The following RNF183 variants were observed in gnomAD, a reference collection of about 807,000 sequenced individuals.
RNF183 encodes ring finger protein 183.
Under a neutral mutation model 9.0 loss-of-function variants are expected in RNF183, and 4 were observed. The observed-to-expected ratio is 0.44, with a 90% CI of 0.22 to 1.01. The LOEUF (loss-of-function observed/expected upper bound fraction) is 1.01, where lower values mean the gene tolerates loss of function less well. Ranked by LOEUF, RNF183 falls within the 50% of genes least tolerant of loss-of-function variation. The pLI, the probability that RNF183 is intolerant of heterozygous loss-of-function variation, is 0.25. For synonymous variants in RNF183, 102 were observed against 107.5 expected (o/e 0.95, Z 0.32); for missense variants, 227 against 253.6 (o/e 0.89, Z 0.71).
intron 4 of RNF183, chr9:113,299,338 T>A (rs1832844115): frequency 6.6e-6 from 1 of 152,218 alleles, no homozygotes; most frequent in South Asian, 2.1e-4. Context: ...CAATTTCGTC[T>A]TTGTAGATGT....
chr9:113,302,376 A>G (rs1471320682), intron 1 of RNF183, 63 bp from the exon 2 acceptor site: 1 of 152,184 alleles, frequency 6.6e-6, no homozygotes, highest in African/African-American at 2.4e-5. Context: ...AGCTACAGTA[A>G]ATCCTAAACA....
chr9:113,298,049 G>A lies in RNF183; in HGVS notation c.136C>T (p.Leu46Phe). The A allele has an allele frequency of 6.2e-7, 1 of 1,614,072 alleles. No individual in the cohort carries two copies. Among genetic ancestry groups the A allele is most frequent in the Non-Finnish European group, 8.5e-7 (1 of 1,180,024 alleles). ...FCVECLAHLS[L>F]VTPARRRLLC... The stretch of plus-strand genomic sequence containing the variant: ...AGGCGGCGCCGGGCTGGAGTCACAA[G>A]GCTGAGGTGGGCCAGACATTCCACG... Residue 46 changes from leucine (L) to phenylalanine (F), a missense_variant, in exon 5 of 5, where the codon CTT becomes TTT. Coordinates refer to ENST00000489339, the MANE Select transcript of RNF183 (RefSeq NM_001371237.1). The surrounding 1 kb of genome is among the most constrained non-coding windows in gnomAD (Gnocchi z 4.9).
Position 113,298,268 on chromosome 9 carries a change from C to G in RNF183, c.-37-47G>C, listed in dbSNP as rs1215148617. On this transcript the variant is annotated intron_variant, in intron 4 of 4. Coordinates refer to ENST00000489339, the MANE Select transcript of RNF183 (RefSeq NM_001371237.1). This position sits in a 1 kb window ranked among gnomAD's most constrained non-coding sequence, Gnocchi z 4.9. ...CAAAGGAACAGCCATGAAGTCCCAT[C>G]CTTGTGCTTGGCCTGGGGCAAAGTG... The G allele has an allele frequency of 1.7e-5, 21 of 1,215,188 alleles. No individual in the cohort carries two copies. The highest frequency in any genetic ancestry group is 2.5e-5 in the Non-Finnish European group (21 of 846,760). 75.3% of individuals were successfully genotyped at this position (1,215,188 alleles called of 1,614,324 possible).
At position 113,302,308 on chromosome 9, in the gene RNF183, G is replaced by C. The variant is rs1302002020; in HGVS notation, c.-435C>G. On this transcript the variant is annotated 5_prime_UTR_variant, in exon 2 of 5. The change creates a new upstream start codon in the 5' untranslated region. Coordinates refer to ENST00000489339, the MANE Select transcript of RNF183 (RefSeq NM_001371237.1). ...TCCCAGGGATCCACTGCTGTTTCAG[G>C]ATCAGCTGGGGAGAGATTCTGGCCA... The C allele has an allele frequency of 6.6e-6, 1 of 152,090 alleles. No homozygotes were observed. The highest frequency in any genetic ancestry group is 1.5e-5 in the Non-Finnish European group (1 of 68,028). 9.4% of individuals were successfully genotyped at this position (152,090 alleles called of 1,614,324 possible).
At chr9:113,300,116 C>T (rs1392187057) in intron 3 of RNF183, among the ~76,000 whole-genome samples, 1 of 152,152 alleles carries the variant, frequency 6.6e-6, no homozygotes, top group African/African-American at 2.4e-5. Flanking sequence ...CCGACTGAGC[C>T]GATGTCTGAA....
chr9:113,302,745 C>T (rs7860315), intron 1 of RNF183, among the ~76,000 whole-genome samples: 23,080 of 152,168 alleles, frequency 0.15, 1,881 homozygotes, highest in African/African-American at 0.2. Flanking sequence ...AAAGGCTAAT[C>T]ATCCCACTCC....
In RNF183 at chr9:113,297,591, G is replaced by T. The variant is rs1832761143; in HGVS notation, c.*15C>A. 1.3e-6 allele frequency: 2 copies of T among 1,544,432 alleles called. No individual in the cohort carries two copies. The highest frequency in any genetic ancestry group is 1.8e-6 in the Non-Finnish European group (2 of 1,141,702). On this transcript the variant is annotated 3_prime_UTR_variant, in exon 5 of 5. Transcript: ENST00000489339. Reference sequence around the variant, plus strand: ...GCAACCGAAAAAGGTTTGGTTTCTTGTCTGGGAACAGCACTCACCCCACAC... The same window carrying T: ...GCAACCGAAAAAGGTTTGGTTTCTTTTCTGGGAACAGCACTCACCCCACAC...
rs1832972908 is a variant in RNF183 at position 113,303,119 on chromosome 9, TTC to T, written c.-506_-505del. The T allele has an allele frequency of 6.5e-6, 1 of 152,730 alleles. No homozygotes were observed. Among genetic ancestry groups the T allele is most frequent in the Non-Finnish European group, 1.5e-5 (1 of 68,402 alleles). 9.5% of individuals were successfully genotyped at this position (152,730 alleles called of 1,614,324 possible). ...CAGCCCTGCACGCATGTGCTTTGTTTTCTGACTTCCCAGGCCCGATTTCCAGG... is the reference window on the plus strand; with the variant it reads ...CAGCCCTGCACGCATGTGCTTTGTTTTGACTTCCCAGGCCCGATTTCCAGG... On this transcript the variant is annotated 5_prime_UTR_variant, in exon 1 of 5. The change abolishes the stop of an existing upstream ORF in the 5' untranslated region. Transcript: ENST00000489339.
In RNF183 at chr9:113,303,358, A is replaced by C. The variant is rs933082969; in HGVS notation, c.-743T>G. ...CAGGCCTCTGTTCTGGGTCCGATTG[A>C]TCTCCTGCCATCCCCTCGGATTCCA... On this transcript the variant is annotated 5_prime_UTR_variant, in exon 1 of 5. Transcript: ENST00000489339. 1 of 152,360 alleles carries C rather than the reference A, an allele frequency of 6.6e-6. No individual in the cohort carries two copies. The highest frequency in any genetic ancestry group is 1.5e-5 in the Non-Finnish European group (1 of 68,136). The allele number at this position is 152,360 out of a possible 1,614,324, so 9.4% of individuals were successfully genotyped here. A position where few individuals can be genotyped will look rare whatever the true frequency, so the allele number is the denominator to read the frequency against.
At chr9:113,302,737 A>G (rs1049022970) in intron 1 of RNF183, among the ~76,000 whole-genome samples, 7 of 152,236 alleles carry the variant, frequency 4.6e-5, no homozygotes, top group Non-Finnish European at 5.9e-5. Flanking sequence ...TCTGTAAAAA[A>G]GGCTAATCAT....
intron 1 of RNF183, among the ~76,000 whole-genome samples, chr9:113,302,846 A>G (rs1011509692): frequency 6.6e-6 from 1 of 152,130 alleles, no homozygotes; most frequent in Non-Finnish European, 1.5e-5. Context: ...TTATTTTTAG[A>G]CCCATTTTCT....
At chr9:113,302,810 A>C (rs1832956480) in intron 1 of RNF183, among the ~76,000 whole-genome samples, 1 of 152,244 alleles carries the variant, frequency 6.6e-6, no homozygotes, top group Admixed American at 6.5e-5. Flanking sequence ...AGAATACGGA[A>C]GGCGCTCAAT....
At chr9:113,299,823 C>T (rs1832859723) in intron 3 of RNF183, 48 bp from the exon 4 acceptor site, 1 of 152,240 alleles carries the variant, frequency 6.6e-6, no homozygotes, top group African/African-American at 2.4e-5. Context: ...CTGAACTACT[C>T]ACTTTGCAGA....
rs1385008671 is a variant in RNF183, at chr9:113,297,553, A to C, written c.*53T>G. ...CAATACCAAATGAGGCTCCGTAGTCACCATACCCAGCAGCAACCGAAAAAG... is the reference window on the plus strand; with the variant it reads ...CAATACCAAATGAGGCTCCGTAGTCCCCATACCCAGCAGCAACCGAAAAAG... On this transcript the variant is annotated 3_prime_UTR_variant, in exon 5 of 5. Transcript: ENST00000489339. The C allele has an allele frequency of 3.2e-6, 4 of 1,251,062 alleles. No homozygotes were observed. Among genetic ancestry groups the C allele is most frequent in the Non-Finnish European group, 4.5e-6 (4 of 887,500 alleles). 77.5% of individuals were successfully genotyped at this position (1,251,062 alleles called of 1,614,324 possible).
chr9:113,300,291 C>T (rs1213613926), intron 3 of RNF183, among the ~76,000 whole-genome samples: 1 of 152,228 alleles, frequency 6.6e-6, no homozygotes, highest in Non-Finnish European at 1.5e-5. Flanking sequence ...CTTTATTCTG[C>T]AGTCCATTCA....
chr9:113,303,312 G>A lies in RNF183; in HGVS notation c.-697C>T, dbSNP rs1228017666. The A allele has an allele frequency of 1.3e-5, 2 of 152,832 alleles. No homozygotes were observed. Among genetic ancestry groups the A allele is most frequent in the Non-Finnish European group, 2.9e-5 (2 of 68,506 alleles). The allele number at this position is 152,832 out of a possible 1,614,324, so 9.5% of individuals were successfully genotyped here. ...GTCACTCTGGCTTTTTCTCTGAGGG[G>A]ATCAAGTGCGCTCATCCTTGCAGGC... On this transcript the variant is annotated 5_prime_UTR_variant, in exon 1 of 5. Transcript: ENST00000489339.
Position 113,298,193 on chromosome 9 carries a change from A to G in RNF183, c.-9T>C, listed in dbSNP as rs765899456. 6 of 1,605,762 alleles carry G rather than the reference A, an allele frequency of 3.7e-6. No homozygotes were observed. The East Asian group carries it at 1.3e-4, about 36-fold the overall frequency. On this transcript the variant is annotated 5_prime_UTR_variant, in exon 5 of 5. Coordinates refer to ENST00000489339, the MANE Select transcript of RNF183 (RefSeq NM_001371237.1). The surrounding 1 kb of genome is among the most constrained non-coding windows in gnomAD (Gnocchi z 4.9). ...CCCTGCTGCTCAGCCATCCTCAGCC[A>G]CACACGGGGAGGCTTCGCGGGAGAC...
At position 113,299,679 on chromosome 9, in the gene RNF183, G is replaced by A. The variant is rs1236114537; in HGVS notation, c.-145C>T. 1 of 152,232 alleles carries A rather than the reference G, an allele frequency of 6.6e-6. No homozygotes were observed. The highest frequency in any genetic ancestry group is 1.5e-5 in the Non-Finnish European group (1 of 68,060). The allele number at this position is 152,232 out of a possible 1,614,324, so 9.4% of individuals were successfully genotyped here. ...GAGTTAAAGCGGGGAGTTGGAGGGA[G>A]GCGCACTCCAGCCCAGCTTCTCCGT... On this transcript the variant is annotated 5_prime_UTR_variant, in exon 4 of 5. Coordinates refer to ENST00000489339, the MANE Select transcript of RNF183 (RefSeq NM_001371237.1).
chr9:113,298,347 T>C lies in RNF183; in HGVS notation c.-37-126A>G, dbSNP rs917121233. 9.5e-6 allele frequency: 6 copies of C among 629,984 alleles called. No homozygotes were observed. Among genetic ancestry groups the C allele is most frequent in the Non-Finnish European group, 1.7e-5 (6 of 359,566 alleles). 39.0% of individuals were successfully genotyped at this position (629,984 alleles called of 1,614,324 possible). A position where few individuals can be genotyped will look rare whatever the true frequency, so the allele number is the denominator to read the frequency against. On this transcript the variant is annotated intron_variant, in intron 4 of 4. Coordinates refer to ENST00000489339, the MANE Select transcript of RNF183 (RefSeq NM_001371237.1). The surrounding 1 kb of genome is among the most constrained non-coding windows in gnomAD (Gnocchi z 4.9). The stretch of plus-strand genomic sequence containing the variant: ...CACGTTTTACTTAGGTTCAAAAGCG[T>C]TTTGTTCTTGATCACCAGTTCCTAA...
Sources: allele counts gnomAD v4.1 joint callset (sites outside exome capture counted in the v4.1 genomes callset), GRCh38; gene constraint gnomAD v4.1.1; non-coding constraint Gnocchi (gnomAD v3.1); transcripts MANE v1.5; gene names NCBI Gene and HGNC (gene_info 2026-07-23, HGNC 2026-07-21).